RBM47: variants seen among roughly 807,000 people sequenced by gnomAD.
RBM47 encodes the protein RNA-binding protein 47.
Under a neutral mutation model 47.1 loss-of-function variants are expected in RBM47, and 21 were observed. The observed-to-expected ratio is 0.45, with a 90% CI of 0.32 to 0.64. The LOEUF (loss-of-function observed/expected upper bound fraction) is 0.64. Ranked by LOEUF, RBM47 falls within the 30% of genes least tolerant of loss-of-function variation. The probability of loss-of-function intolerance (pLI) is 0.05; values close to 1 mark genes in which losing one functional copy is unlikely to be tolerated. For synonymous variants in RBM47, 375 were observed against 361.7 expected (o/e 1.04, Z -0.42); for missense variants, 708 against 870.9 (o/e 0.81, Z 2.35).
At chr4:40,540,451 C>A (rs969211320) in intron 2 of RBM47, among the ~76,000 whole-genome samples, 2 of 151,630 alleles carry the variant, frequency 1.3e-5, no homozygotes, top group African/African-American at 4.8e-5. Context: ...ACCAGCCTGA[C>A]CAACATGGAG....
chr4:40,481,486 A>T (rs866886878), intron 2 of RBM47, among the ~76,000 whole-genome samples: 1,445 of 106,814 alleles, frequency 0.014, 13 homozygotes, highest in Non-Finnish European at 0.017. Context: ...TATTATTATT[A>T]TTTTTATTTT....
Position 40,628,304 on chromosome 4 carries a change from C to T in RBM47, c.-240+1092G>A, listed in dbSNP as rs2061287571. Reference sequence around the variant, plus strand: ...GGGTTGATTTTAGTTCCCTCCAAGACTTCAAGTCATTGATCTAACAAAGAT... The same window carrying T: ...GGGTTGATTTTAGTTCCCTCCAAGATTTCAAGTCATTGATCTAACAAAGAT... On this transcript the variant is annotated intron_variant, in intron 1 of 6. Coordinates refer to ENST00000295971, the MANE Select transcript of RBM47 (RefSeq NM_001098634.2). This position sits in a 1 kb window ranked among gnomAD's most constrained non-coding sequence, Gnocchi z 4.0. 6.6e-6 allele frequency among the ~76,000 whole-genome samples: 1 copy of T among 152,202 alleles called. No homozygotes were observed. Among genetic ancestry groups the T allele is most frequent in the South Asian group, 2.1e-4 (1 of 4,834 alleles).
chr4:40,623,099 G>A (rs1737415685), intron 1 of RBM47, among the ~76,000 whole-genome samples: 1 of 152,166 alleles, frequency 6.6e-6, no homozygotes, highest in Admixed American at 6.5e-5. Context: ...CAGGGTCTGT[G>A]TGCCTCCTGC....
chr4:40,619,319 T>C (rs1560509164), intron 1 of RBM47, among the ~76,000 whole-genome samples: 1 of 152,126 alleles, frequency 6.6e-6, no homozygotes, highest in African/African-American at 2.4e-5. Context: ...TCCCAGCTTC[T>C]TGGGAGGCTG....
intron 2 of RBM47, among the ~76,000 whole-genome samples, chr4:40,528,415 A>AC (rs1553896612): frequency 5.3e-5 from 8 of 151,162 alleles, no homozygotes; most frequent in Admixed American, 1.3e-4. Flanking sequence ...TAAAAAAAAA[A>AC]CAACAAAAAA....
intron 1 of RBM47, among the ~76,000 whole-genome samples, chr4:40,587,443 G>A (rs149596177): frequency 8.5e-5 from 13 of 152,222 alleles, no homozygotes; most frequent in African/African-American, 2.6e-4. Flanking sequence ...TTTATGAAGC[G>A]CTAGGAGCCA....
chr4:40,437,066 C>T (rs2154212472), intron 4 of RBM47, among the ~76,000 whole-genome samples: 1 of 53,438 alleles, frequency 1.9e-5, no homozygotes, highest in Admixed American at 2.8e-4. Flanking sequence ...ATGGTGAGAC[C>T]CTGTCTCAAA....
At chr4:40,510,574 T>C (rs1336449310) in intron 2 of RBM47, among the ~76,000 whole-genome samples, 1 of 151,966 alleles carries the variant, frequency 6.6e-6, no homozygotes, top group East Asian at 1.9e-4. Context: ...CCTGGGAAGG[T>C]CACCTTGAAG....
At chr4:40,503,423 C>G (rs1201302349) in intron 2 of RBM47, among the ~76,000 whole-genome samples, 1 of 152,064 alleles carries the variant, frequency 6.6e-6, no homozygotes, top group Non-Finnish European at 1.5e-5. Context: ...GGAGTGGGTA[C>G]CAGCAATGCC....
chr4:40,547,292 A>G (rs1057221215), intron 1 of RBM47, among the ~76,000 whole-genome samples: 1 of 152,210 alleles, frequency 6.6e-6, no homozygotes, highest in African/African-American at 2.4e-5. Context: ...CAGGGTCTTT[A>G]AATGGGTAAT....
At chr4:40,593,875 C>T (rs1424500531) in intron 1 of RBM47, among the ~76,000 whole-genome samples, 3 of 126,014 alleles carry the variant, frequency 2.4e-5, no homozygotes, top group African/African-American at 6.3e-5. Context: ...CCAAGCGAGA[C>T]TCTGTCTCAA....
At chr4:40,561,476 G>A (rs1488095412) in intron 1 of RBM47, among the ~76,000 whole-genome samples, 1 of 151,248 alleles carries the variant, frequency 6.6e-6, no homozygotes, top group Non-Finnish European at 1.5e-5. Context: ...CACCTGCCTT[G>A]CCCTACCAAA....
intron 1 of RBM47, among the ~76,000 whole-genome samples, chr4:40,592,152 A>G (rs1393107645): frequency 6.6e-6 from 1 of 152,232 alleles, no homozygotes; most frequent in African/African-American, 2.4e-5. Flanking sequence ...GTGACTCTGC[A>G]AAAACTAGCA....
intron 1 of RBM47, among the ~76,000 whole-genome samples, chr4:40,575,411 G>C (rs1430704199): frequency 7.9e-5 from 12 of 151,976 alleles, no homozygotes; most frequent in Non-Finnish European, 4.4e-5. Flanking sequence ...AATTAGCCAG[G>C]AGTGGTGGCG....
At chr4:40,558,363 T>A (rs1284493721) in intron 1 of RBM47, among the ~76,000 whole-genome samples, 7 of 152,018 alleles carry the variant, frequency 4.6e-5, no homozygotes, top group Non-Finnish European at 1.5e-5. Flanking sequence ...CAATCATTTA[T>A]TGAATGAGTA....
At chr4:40,519,659 C>G (rs1457692220) in intron 2 of RBM47, among the ~76,000 whole-genome samples, 1 of 96,290 alleles carries the variant, frequency 1.0e-5, no homozygotes, top group Non-Finnish European at 2.1e-5. Flanking sequence ...CCCTACCCTC[C>G]TTTTTTTTTT....
At chr4:40,538,328 GTT>G (rs34309510) in intron 2 of RBM47, among the ~76,000 whole-genome samples, 5 of 125,796 alleles carry the variant, frequency 4.0e-5, no homozygotes, top group Non-Finnish European at 3.3e-5. Flanking sequence ...TATTGGTATT[GTT>G]TTTTTTTTTT....
At chr4:40,507,276 C>A (rs1724236173) in intron 2 of RBM47, among the ~76,000 whole-genome samples, 1 of 152,002 alleles carries the variant, frequency 6.6e-6, no homozygotes, top group South Asian at 2.1e-4. Context: ...TCCATAAACT[C>A]CACTTTAAAA....
intron 1 of RBM47, among the ~76,000 whole-genome samples, chr4:40,591,199 G>A (rs1354827214): frequency 6.6e-6 from 1 of 152,140 alleles, no homozygotes; most frequent in Non-Finnish European, 1.5e-5. Flanking sequence ...GGTGGGATGA[G>A]GAGTAACTTC....
Sources: allele counts gnomAD v4.1 joint callset (sites outside exome capture counted in the v4.1 genomes callset), GRCh38; gene constraint gnomAD v4.1.1; non-coding constraint Gnocchi (gnomAD v3.1); transcripts MANE v1.5; gene names NCBI Gene and HGNC (gene_info 2026-07-23, HGNC 2026-07-21).